The following EPHA3 variants were observed in gnomAD, a reference collection of about 807,000 sequenced individuals.
EPHA3 encodes EPH receptor A3.
EPHA3 carries 42 observed loss-of-function variants against 107.1 expected under a neutral mutation model. That is an observed-to-expected ratio of 0.39 (90% CI 0.31 to 0.51). The LOEUF is 0.51. Ranked by LOEUF, EPHA3 falls within the 20% of genes least tolerant of loss-of-function variation. The pLI is 0.78. For missense variants in EPHA3, 1,183 were observed against 1,211.2 expected (o/e 0.98, Z 0.35); for synonymous variants, 461 against 424.8 (o/e 1.09, Z -1.05).
At position 89,234,607 on chromosome 3, in the gene EPHA3, G is replaced by A. The variant is rs571981114; in HGVS notation, c.814+24087G>A. Among the ~76,000 whole-genome samples the A allele has an allele frequency of 2.6e-5, 4 of 152,148 alleles. No individual in the cohort carries two copies. The South Asian group carries it at 6.2e-4, about 24-fold the overall frequency. On this transcript the variant is annotated intron_variant, in intron 3 of 16. Coordinates refer to ENST00000336596, the MANE Select transcript of EPHA3 (RefSeq NM_005233.6). The stretch of plus-strand genomic sequence containing the variant: ...AGGTGAATTTCAGTAGTGTACTTGA[G>A]TTAGGAGATTATGAGGCTTTCCATC...
chr3:89,222,103 A>G (rs73849209), intron 3 of EPHA3, among the ~76,000 whole-genome samples: 6,302 of 151,888 alleles, frequency 0.041, 417 homozygotes, highest in African/African-American at 0.14. Context: ...TTCTGTTTCC[A>G]TTGCTCCTGC....
intron 5 of EPHA3, among the ~76,000 whole-genome samples, chr3:89,351,437 C>T (rs531704247): frequency 9.3e-5 from 14 of 150,764 alleles, no homozygotes; most frequent in African/African-American, 1.9e-4. Context: ...TGACCCCTTG[C>T]GCTTCCCAGG....
intron 5 of EPHA3, among the ~76,000 whole-genome samples, chr3:89,391,594 A>T (rs1308215738): frequency 6.7e-6 from 1 of 149,018 alleles, no homozygotes; most frequent in Non-Finnish European, 1.5e-5. Flanking sequence ...TGCCCAGCTA[A>T]TTTTTTGTAT....
intron 6 of EPHA3, 42 bp from the exon 7 acceptor site, chr3:89,399,276 A>G (rs1708908862): frequency 6.4e-7 from 1 of 1,562,686 alleles, no homozygotes; most frequent in Admixed American, 1.7e-5. Flanking sequence ...TAGCATTATG[A>G]AGATTTGATT....
Position 89,479,455 on chromosome 3 carries a change from A to G in EPHA3, c.2905A>G (p.Ile969Val), listed in dbSNP as rs767981365. The G allele has an allele frequency of 2.5e-6, 4 of 1,614,082 alleles. No individual in the cohort carries two copies. The highest frequency in any genetic ancestry group is 2.7e-5 in the African/African-American group (2 of 74,934). Residue 969 changes from isoleucine (I) to valine (V), a missense_variant, in exon 17 of 17, where the codon ATT becomes GTT. Transcript: ENST00000336596. ...GCCACAGAAGAAGATCATCAGTAGC[A>G]TTAAAGCTCTAGAAACGCAATCAAA... ...VGPQKKIISS[I>V]KALETQSKNG...
chr3:89,234,409 C>T (rs1412466991), intron 3 of EPHA3, among the ~76,000 whole-genome samples: 1 of 152,170 alleles, frequency 6.6e-6, no homozygotes, highest in African/African-American at 2.4e-5. Context: ...ATTTGAACTA[C>T]ACAGTCATGT....
intron 3 of EPHA3, among the ~76,000 whole-genome samples, chr3:89,260,793 T>C (rs1705394694): frequency 6.6e-6 from 1 of 152,222 alleles, no homozygotes; most frequent in Admixed American, 6.5e-5. Flanking sequence ...CCTTTTGTTT[T>C]GCACACAGTC....
At chr3:89,275,627 C>A (rs1705786151) in intron 3 of EPHA3, among the ~76,000 whole-genome samples, 1 of 152,050 alleles carries the variant, frequency 6.6e-6, no homozygotes. Context: ...CCACCAGATT[C>A]TTTTCCAACA....
At chr3:89,321,888 A>G (rs1488545844) in intron 3 of EPHA3, among the ~76,000 whole-genome samples, 1 of 152,152 alleles carries the variant, frequency 6.6e-6, no homozygotes. Flanking sequence ...TTCTAGTATC[A>G]TGGTATTTAG....
At chr3:89,357,705 A>G (rs1036733624) in intron 5 of EPHA3, among the ~76,000 whole-genome samples, 3 of 151,266 alleles carry the variant, frequency 2.0e-5, no homozygotes, top group Non-Finnish European at 3.0e-5. Flanking sequence ...AAGGTTTTTC[A>G]TAGTTGATAT....
chr3:89,455,890 TTC>T lies in EPHA3; in HGVS notation c.2690+5522_2690+5523del, dbSNP rs1313054564. On this transcript the variant is annotated intron_variant, in intron 15 of 16. Coordinates refer to ENST00000336596, the MANE Select transcript of EPHA3 (RefSeq NM_005233.6). ...TTCTCGTTCTTCATCACTATTTTAA[TTC>T]TGTTTTCTGTGATTGTGTCTGTGTA... Among the ~76,000 whole-genome samples, 4 of 152,302 alleles carry T rather than the reference TTC, an allele frequency of 2.6e-5. No individual in the cohort carries two copies. The East Asian group carries it at 7.7e-4, about 29-fold the overall frequency.
chr3:89,114,235 T>A (rs1707194566), intron 1 of EPHA3, among the ~76,000 whole-genome samples: 3 of 152,142 alleles, frequency 2.0e-5, no homozygotes, highest in African/African-American at 7.2e-5. Context: ...ATTCATTAAA[T>A]TACAAAAGTG....
At chr3:89,143,324 G>A (rs1704471184) in intron 2 of EPHA3, among the ~76,000 whole-genome samples, 1 of 151,362 alleles carries the variant, frequency 6.6e-6, no homozygotes, top group Non-Finnish European at 1.5e-5. Flanking sequence ...GTACTACTAA[G>A]TGGCGTTGAA....
At chr3:89,244,863 G>A (rs906996051) in intron 3 of EPHA3, among the ~76,000 whole-genome samples, 6 of 152,138 alleles carry the variant, frequency 3.9e-5, no homozygotes, top group African/African-American at 1.2e-4. Flanking sequence ...TTTCGGAAAT[G>A]AAGTGACACA....
At chr3:89,368,974 T>A (rs1222271868) in intron 5 of EPHA3, among the ~76,000 whole-genome samples, 1 of 150,662 alleles carries the variant, frequency 6.6e-6, no homozygotes, top group African/African-American at 2.4e-5. Flanking sequence ...GTAAGATGCC[T>A]AGTTCACACT....
rs573912214 is a variant in EPHA3 at position 89,177,218 on chromosome 3, C to T, written c.154-32642C>T. Among the ~76,000 whole-genome samples, 6 of 152,224 alleles carry T rather than the reference C, an allele frequency of 3.9e-5. 1 individual carries two copies. Among genetic ancestry groups the T allele is most frequent in the African/African-American group, 9.6e-5 (4 of 41,540 alleles). ...CTTAACAAAAACTTTTACCTCTAAGCATGGACAGAATGCTGGTTAGCTACC... is the reference window on the plus strand; with the variant it reads ...CTTAACAAAAACTTTTACCTCTAAGTATGGACAGAATGCTGGTTAGCTACC... On this transcript the variant is annotated intron_variant, in intron 2 of 16. Coordinates refer to ENST00000336596, the MANE Select transcript of EPHA3 (RefSeq NM_005233.6).
At chr3:89,364,446 A>T (rs1202910349) in intron 5 of EPHA3, among the ~76,000 whole-genome samples, 2 of 151,064 alleles carry the variant, frequency 1.3e-5, no homozygotes, top group Non-Finnish European at 3.0e-5. Flanking sequence ...GTCAACAAGC[A>T]CTTGGGAAGT....
chr3:89,452,220 C>T (rs746459875), intron 15 of EPHA3, among the ~76,000 whole-genome samples: 1 of 152,066 alleles, frequency 6.6e-6, no homozygotes, highest in African/African-American at 2.4e-5. Flanking sequence ...TGGCTATATA[C>T]CCAGAGTGGG....
At chr3:89,244,665 C>T (rs1704990293) in intron 3 of EPHA3, among the ~76,000 whole-genome samples, 2 of 152,112 alleles carry the variant, frequency 1.3e-5, no homozygotes, top group African/African-American at 4.8e-5. Context: ...ATTAGCTCTA[C>T]TTCCTATATT....
Sources: allele counts gnomAD v4.1 joint callset (sites outside exome capture counted in the v4.1 genomes callset), GRCh38; gene constraint gnomAD v4.1.1; transcripts MANE v1.5; gene names NCBI Gene and HGNC (gene_info 2026-07-23, HGNC 2026-07-21).